The following XPO1 variants were observed in gnomAD, a reference collection of about 807,000 sequenced individuals.
The protein encoded by XPO1 is exportin-1.
XPO1 carries 5 observed loss-of-function variants against 133.3 expected under a neutral mutation model. The observed-to-expected ratio is 0.04, with a 90% CI of 0.02 to 0.08. The LOEUF (loss-of-function observed/expected upper bound fraction) is 0.08. Ranked by LOEUF, XPO1 falls within the 10% of genes least tolerant of loss-of-function variation. The pLI, the probability that XPO1 is intolerant of heterozygous loss-of-function variation, is 1.00. For synonymous variants in XPO1, 419 were observed against 408.2 expected (o/e 1.03, Z -0.32); for missense variants, 506 against 1,267.5 (o/e 0.40, Z 9.12).
intron 4 of XPO1, among the ~76,000 whole-genome samples, chr2:61,520,093 C>T (rs567439731): frequency 6.6e-5 from 10 of 152,186 alleles, no homozygotes; most frequent in African/African-American, 2.4e-4. Flanking sequence ...ACAAAGGAAA[C>T]GCACAATATG....
chr2:61,534,026 T>A, intron 1 of XPO1, 123 bp from the exon 2 acceptor site: 1 of 1,011,514 alleles, frequency 9.9e-7, no homozygotes, highest in Non-Finnish European at 1.3e-6. Context: ...TTAGAGACTT[T>A]AATTACAGAA....
intron 2 of XPO1, among the ~76,000 whole-genome samples, chr2:61,533,468 T>C (rs1261091763): frequency 6.6e-6 from 1 of 152,220 alleles, no homozygotes; most frequent in Non-Finnish European, 1.5e-5. Flanking sequence ...AGAAGAATCG[T>C]ATTAGTGCCA....
rs183060207 is a variant in XPO1 at position 61,496,060 on chromosome 2, A to G, written c.889-447T>C. On this transcript the variant is annotated intron_variant, in intron 10 of 24. Transcript: ENST00000401558. Reference sequence around the variant, plus strand: ...TCCTAGGTCCAGTATACCTATTCTTATATCTCTAGGACTTAGATTTTGACT... The same window carrying G: ...TCCTAGGTCCAGTATACCTATTCTTGTATCTCTAGGACTTAGATTTTGACT... Among the ~76,000 whole-genome samples the G allele has an allele frequency of 3.9e-5, 6 of 152,292 alleles. No individual in the cohort carries two copies. The South Asian group carries it at 6.2e-4, about 16-fold the overall frequency.
chr2:61,481,901 A>G (rs1696379378), intron 23 of XPO1, among the ~76,000 whole-genome samples: 1 of 150,468 alleles, frequency 6.6e-6, no homozygotes, highest in East Asian at 2.0e-4. Flanking sequence ...ATGCCCAACT[A>G]ATTTTTTGTA....
rs1238240972 is a variant in XPO1, at chr2:61,492,814, A to T, written c.1385-66T>A. On this transcript the variant is annotated intron_variant, in intron 13 of 24. Transcript: ENST00000401558. The surrounding 1 kb of genome is among the most constrained non-coding windows in gnomAD (Gnocchi z 5.6). ...GAATTTTATTGATGAGTAACAATAC[A>T]TTTAGAAAATATTTAGAAACTACAA... is the stretch of plus-strand genomic sequence containing the variant. The T allele has an allele frequency of 1.3e-6, 2 of 1,566,882 alleles. No homozygotes were observed. Among genetic ancestry groups the T allele is most frequent in the South Asian group, 2.4e-5 (2 of 84,776 alleles).
At chr2:61,496,262 A>G (rs1038417286) in intron 10 of XPO1, among the ~76,000 whole-genome samples, 2 of 152,186 alleles carry the variant, frequency 1.3e-5, no homozygotes, top group Admixed American at 1.3e-4. Flanking sequence ...TCCAGGCTGG[A>G]GTGCAATAGT....
At chr2:61,516,589 T>C (rs1698402500) in intron 4 of XPO1, among the ~76,000 whole-genome samples, 1 of 151,566 alleles carries the variant, frequency 6.6e-6, no homozygotes, top group Admixed American at 6.6e-5. Context: ...TAATTTTGTA[T>C]TTGTAGTAGA....
chr2:61,501,183 G>C (rs1027125954), intron 6 of XPO1, among the ~76,000 whole-genome samples: 1 of 152,022 alleles, frequency 6.6e-6, no homozygotes, highest in South Asian at 2.1e-4. Context: ...TAAAATTTTT[G>C]GAAGCTTGGA....
At position 61,492,234 on chromosome 2, in the gene XPO1, G is replaced by A; in HGVS notation, c.1724-36C>T. ...AAAAATATTCATTTATTTTGTCCTG[G>A]ACTCCATCATGGGTCTCTAACAAGA... is the stretch of plus-strand genomic sequence containing the variant. On this transcript the variant is annotated intron_variant, in intron 15 of 24. Transcript: ENST00000401558. This position sits in a 1 kb window ranked among gnomAD's most constrained non-coding sequence, Gnocchi z 5.6. 1 of 1,608,812 alleles carries A rather than the reference G, an allele frequency of 6.2e-7. No homozygotes were observed. Among genetic ancestry groups the A allele is most frequent in the Non-Finnish European group, 8.5e-7 (1 of 1,177,724 alleles).
At chr2:61,535,644 C>T (rs540490197) in intron 1 of XPO1, among the ~76,000 whole-genome samples, 2 of 152,142 alleles carry the variant, frequency 1.3e-5, no homozygotes, top group African/African-American at 4.8e-5. Context: ...GATGAGTCAC[C>T]TATGATTGAT....
At chr2:61,525,601 A>T in intron 3 of XPO1, 1 of 1,019,280 alleles carries the variant, frequency 9.8e-7, no homozygotes, top group Non-Finnish European at 1.2e-6. Context: ...GTCTGTCAGT[A>T]TAAAAAGCAA....
chr2:61,500,934 A>C (rs932393053), intron 6 of XPO1, among the ~76,000 whole-genome samples: 6 of 152,206 alleles, frequency 3.9e-5, no homozygotes, highest in Non-Finnish European at 7.3e-5. Context: ...GGATATATGA[A>C]TTTAAAAGAG....
At chr2:61,482,587 A>T in intron 22 of XPO1, 48 bp from the exon 23 acceptor site, 2 of 1,433,128 alleles carry the variant, frequency 1.4e-6, no homozygotes, top group Non-Finnish European at 1.9e-6. Context: ...ATATAACTAT[A>T]GATCTTAGCG....
intron 4 of XPO1, among the ~76,000 whole-genome samples, chr2:61,520,579 C>G (rs781374809): frequency 6.6e-6 from 1 of 152,028 alleles, no homozygotes; most frequent in Non-Finnish European, 1.5e-5. Flanking sequence ...TTGACCGCAG[C>G]TATTTGAAGC....
At chr2:61,537,240 G>A (rs913298984) in intron 1 of XPO1, 7 of 151,680 alleles carry the variant, frequency 4.6e-5, no homozygotes, top group African/African-American at 1.2e-4. Flanking sequence ...CCCAGCCCCA[G>A]GGGCTGGGGA....
intron 3 of XPO1, chr2:61,525,745 T>C: frequency 9.7e-7 from 1 of 1,029,230 alleles, no homozygotes; most frequent in Non-Finnish European, 1.2e-6. Context: ...AACTGTTAAT[T>C]AACAAAGTCT....
chr2:61,482,477 T>A lies in XPO1; in HGVS notation c.2875A>T (p.Ser959Cys), dbSNP rs1558626736. Residue 959 changes from serine to cysteine, a missense_variant, in exon 23 of 25, where the codon AGT (serine) becomes TGT (cysteine). Ser to Cys is a moderately radical substitution (Grantham distance 112). Transcript: ENST00000401558. ...GGATTTCCAGGATTTAATGATGTAC[T>A]TATTTTTCCTTCTTCAACCAAATTA... ...MFNLVEEGKI[S>C]TSLNPGNPVN... 1.9e-6 allele frequency: 3 copies of A among 1,613,454 alleles called. No homozygotes were observed. Among genetic ancestry groups the A allele is most frequent in the Non-Finnish European group, 2.5e-6 (3 of 1,179,756 alleles).
rs1472494953 is a variant in XPO1, at chr2:61,485,752, CTG to C, written c.2508+14_2508+15del. The C allele has an allele frequency of 1.3e-6, 2 of 1,585,030 alleles. No homozygotes were observed. The highest frequency in any genetic ancestry group is 3.5e-5 in the Admixed American group (2 of 57,864). On this transcript the variant is annotated intron_variant, in intron 20 of 24. Coordinates refer to ENST00000401558, the MANE Select transcript of XPO1 (RefSeq NM_003400.4). ...CCTGCAGAATTTCCCCCTTACATAA[CTG>C]AAATATTACACACCTTATTTATCAT...
At chr2:61,519,719 A>AAAAAC (rs1421494893) in intron 4 of XPO1, among the ~76,000 whole-genome samples, 2 of 138,330 alleles carry the variant, frequency 1.4e-5, no homozygotes, top group African/African-American at 2.6e-5. Context: ...AAAAAAAAAA[A>AAAAAC]AAAACACCAC....
Sources: gnomAD v4.1 joint callset for allele counts (sites outside exome capture counted in the v4.1 genomes callset) on GRCh38, gnomAD v4.1.1 for gene constraint, Gnocchi (gnomAD v3.1) non-coding constraint, MANE v1.5 for transcripts, NCBI Gene and HGNC (gene_info 2026-07-23, HGNC 2026-07-21) for gene names.